Variants in PPP1R9A observed in about 807,000 individuals in gnomAD.
PPP1R9A encodes the protein protein phosphatase 1 regulatory subunit 9A.
PPP1R9A carries 59 observed loss-of-function variants against 141.9 expected under a neutral mutation model. The observed-to-expected ratio is 0.42, with a 90% CI of 0.34 to 0.52. The LOEUF (loss-of-function observed/expected upper bound fraction) is 0.52. Ranked by LOEUF, PPP1R9A falls within the 20% of genes least tolerant of loss-of-function variation. PPP1R9A has a pLI of 0.10. For synonymous variants in PPP1R9A, 500 were observed against 569.7 expected (o/e 0.88, Z 1.74); for missense variants, 1,444 against 1,611.9 (o/e 0.90, Z 1.78).
At chr7:94,993,891 A>T (rs1801823552) in intron 2 of PPP1R9A, among the ~76,000 whole-genome samples, 1 of 152,174 alleles carries the variant, frequency 6.6e-6, no homozygotes, top group African/African-American at 2.4e-5. Context: ...CCTCCAGCTG[A>T]ATGTTGGATA....
chr7:94,910,765 A>C lies in PPP1R9A; in HGVS notation c.652A>C (p.Ile218Leu), dbSNP rs533912026. 1 of 1,614,022 alleles carries C rather than the reference A, an allele frequency of 6.2e-7. No individual in the cohort carries two copies. The highest frequency in any genetic ancestry group is 1.7e-5 in the Admixed American group (1 of 59,994). Residue 218 changes from isoleucine to leucine, a missense_variant, in exon 2 of 20, where the codon ATC becomes CTC. Ile to Leu is a conservative substitution (Grantham distance 5). Transcript: ENST00000433360. The surrounding 1 kb of genome is among the most constrained non-coding windows in gnomAD (Gnocchi z 4.5). ...VFENTDSPSA[I>L]ISEKAENNEY... ...TGAGAACACTGATTCTCCCAGTGCC[A>C]TCATTTCTGAGAAGGCTGAAAACAA... is the stretch of plus-strand genomic sequence containing the variant.
At chr7:95,244,290 TCA>T (rs755802977) in intron 8 of PPP1R9A, among the ~76,000 whole-genome samples, 8 of 152,216 alleles carry the variant, frequency 5.3e-5, no homozygotes, top group Non-Finnish European at 8.8e-5. Flanking sequence ...ATGGGCTGTT[TCA>T]CAGTTTTACC....
chr7:94,996,408 A>G (rs1802176468), intron 2 of PPP1R9A, among the ~76,000 whole-genome samples: 2 of 152,192 alleles, frequency 1.3e-5, no homozygotes, highest in South Asian at 2.1e-4. Flanking sequence ...TTTGTCATGT[A>G]TGTATCTGAC....
chr7:95,037,183 TATG>T (rs1309431411), intron 2 of PPP1R9A: 2 of 152,178 alleles, frequency 1.3e-5, no homozygotes, highest in African/African-American at 2.4e-5. Context: ...GAGAATCAAT[TATG>T]AGCATATAGT....
chr7:94,934,780 A>C (rs1240089142), intron 2 of PPP1R9A, among the ~76,000 whole-genome samples: 1 of 123,196 alleles, frequency 8.1e-6, no homozygotes, highest in Non-Finnish European at 1.9e-5. Flanking sequence ...TTTGATGTTA[A>C]AAGCTTTTAT....
Position 95,211,785 on chromosome 7 carries a change from A to G in PPP1R9A, c.1956+8055A>G, listed in dbSNP as rs184032179. Among the ~76,000 whole-genome samples, 4 of 152,228 alleles carry G rather than the reference A, an allele frequency of 2.6e-5. No homozygotes were observed. In the East Asian group the frequency reaches 7.7e-4, roughly 29 times the overall value. On this transcript the variant is annotated intron_variant, in intron 7 of 19. Coordinates refer to ENST00000433360, the MANE Select transcript of PPP1R9A (RefSeq NM_001166160.2). ...GAGAATAACTTGAGGCCAGGAGTTCAAGACCAGCCTGGACAACATAGCAAG... is the reference window on the plus strand; with the variant it reads ...GAGAATAACTTGAGGCCAGGAGTTCGAGACCAGCCTGGACAACATAGCAAG...
chr7:94,932,120 G>T lies in PPP1R9A; in HGVS notation c.1395+20612G>T, dbSNP rs1191633867. On this transcript the variant is annotated intron_variant, in intron 2 of 19. Transcript: ENST00000433360. ...TATATAGATAAATTGGCAAGTGGTT[G>T]TGATTGAGCCTTTCCACCTTAGGGG... Among the ~76,000 whole-genome samples, 4 of 152,192 alleles carry T rather than the reference G, an allele frequency of 2.6e-5. 1 individual carries two copies. Among genetic ancestry groups the T allele is most frequent in the Admixed American group, 2.6e-4 (4 of 15,284 alleles).
At chr7:94,953,551 G>A (rs1413197213) in intron 2 of PPP1R9A, among the ~76,000 whole-genome samples, 1 of 152,150 alleles carries the variant, frequency 6.6e-6, no homozygotes, top group Non-Finnish European at 1.5e-5. Context: ...ACTTTGGGCA[G>A]TATGGCCATT....
intron 2 of PPP1R9A, among the ~76,000 whole-genome samples, chr7:95,014,976 T>C (rs1804896537): frequency 6.6e-6 from 1 of 152,014 alleles, no homozygotes; most frequent in Non-Finnish European, 1.5e-5. Flanking sequence ...TGTTGAAAAA[T>C]CTCCATGATT....
At chr7:94,927,163 TG>T (rs879258067) in intron 2 of PPP1R9A, among the ~76,000 whole-genome samples, 62 of 152,232 alleles carry the variant, frequency 4.1e-4, no homozygotes, top group African/African-American at 1.4e-3. Flanking sequence ...AATAATTTTT[TG>T]GGGGGGTTAT....
At chr7:95,215,769 A>T (rs540959171) in intron 7 of PPP1R9A, among the ~76,000 whole-genome samples, 3 of 152,170 alleles carry the variant, frequency 2.0e-5, no homozygotes, top group Non-Finnish European at 1.5e-5. Flanking sequence ...ATAAATGTCT[A>T]CTTTTGAGAA....
chr7:95,279,473 G>A (rs1428006332), intron 16 of PPP1R9A, among the ~76,000 whole-genome samples: 10 of 152,116 alleles, frequency 6.6e-5, no homozygotes, highest in Non-Finnish European at 1.3e-4. Flanking sequence ...CTAGTAGATC[G>A]GACTTATTCC....
chr7:95,187,960 G>GA (rs1364189733), intron 5 of PPP1R9A, among the ~76,000 whole-genome samples: 4 of 151,840 alleles, frequency 2.6e-5, no homozygotes, highest in Non-Finnish European at 1.5e-5. Context: ...ATGTGCTGAT[G>GA]AAAAAAATGT....
At chr7:95,289,987 T>A in intron 19 of PPP1R9A, 104 bp from the exon 20 acceptor site, 1 of 1,512,914 alleles carries the variant, frequency 6.6e-7, no homozygotes, top group Non-Finnish European at 8.8e-7. Flanking sequence ...TTCTTACCTC[T>A]TCAATGTTTG....
chr7:95,182,050 A>G (rs1329352544), intron 5 of PPP1R9A, among the ~76,000 whole-genome samples: 1 of 152,008 alleles, frequency 6.6e-6, no homozygotes, highest in Non-Finnish European at 1.5e-5. Context: ...GGCAAGGGAT[A>G]AAAGACTACA....
chr7:95,167,702 T>C lies in PPP1R9A; in HGVS notation c.1754+5731T>C, dbSNP rs573437642. Among the ~76,000 whole-genome samples the C allele has an allele frequency of 2.6e-5, 4 of 152,218 alleles. No individual in the cohort carries two copies. In the East Asian group the frequency reaches 7.7e-4, roughly 29 times the overall value. ...TCTGATAAAACAAATTCAGTAAAGT[T>C]AGTCACAGGTTACAAAATCAGCATA... On this transcript the variant is annotated intron_variant, in intron 5 of 19. Transcript: ENST00000433360.
At chr7:95,015,233 C>T (rs377119562) in intron 2 of PPP1R9A, among the ~76,000 whole-genome samples, 30 of 103,362 alleles carry the variant, frequency 2.9e-4, no homozygotes, top group African/African-American at 8.4e-4. Flanking sequence ...TATATACACA[C>T]ACACACACAC....
At chr7:95,209,687 A>G (rs577850546) in intron 7 of PPP1R9A, among the ~76,000 whole-genome samples, 39 of 152,130 alleles carry the variant, frequency 2.6e-4, no homozygotes, top group Non-Finnish European at 5.3e-4. Context: ...TGTTGGTTTT[A>G]CTTTTTTTTG....
At chr7:95,190,520 T>C (rs1220125464) in intron 5 of PPP1R9A, among the ~76,000 whole-genome samples, 1 of 152,184 alleles carries the variant, frequency 6.6e-6, no homozygotes, top group Non-Finnish European at 1.5e-5. Context: ...AGCAGTAAAG[T>C]TGTCACGTGG....
Sources: gnomAD v4.1 joint callset for allele counts (sites outside exome capture counted in the v4.1 genomes callset) on GRCh38, gnomAD v4.1.1 for gene constraint, Gnocchi (gnomAD v3.1) non-coding constraint, MANE v1.5 for transcripts, NCBI Gene and HGNC (gene_info 2026-07-23, HGNC 2026-07-21) for gene names.